Variants in IQCH observed in about 807,000 individuals in gnomAD.
IQCH encodes IQ motif containing H, also known as IQ domain-containing protein H.
In IQCH, 98 loss-of-function variants were observed where a neutral mutation model predicts 117.0. The ratio of observed to expected loss-of-function variants is 0.84; its 90% confidence interval spans 0.71 to 0.99. The LOEUF (loss-of-function observed/expected upper bound fraction) is 0.99, where lower values mean the gene tolerates loss of function less well. IQCH is among the 50% of genes least tolerant of loss of function. IQCH has a pLI of 0.00. For missense variants in IQCH, 1,102 were observed against 1,243.8 expected (o/e 0.89, Z 1.72); for synonymous variants, 412 against 448.2 (o/e 0.92, Z 1.02).
In IQCH at chr15:67,370,897, C is replaced by T. The variant is rs1007096037; in HGVS notation, c.754-1214C>T. On this transcript the variant is annotated intron_variant, in intron 8 of 20. Transcript: ENST00000335894. This position sits in a 1 kb window ranked among gnomAD's most constrained non-coding sequence, Gnocchi z 5.6. Reference sequence around the variant, plus strand: ...GCCCAGGACCGGAGAAAAGAAAACGCGTGAATAATCTGATATAGTAATACT... The same window carrying T: ...GCCCAGGACCGGAGAAAAGAAAACGTGTGAATAATCTGATATAGTAATACT... 6.0e-5 allele frequency among the ~76,000 whole-genome samples: 9 copies of T among 150,194 alleles called. No individual in the cohort carries two copies. Among genetic ancestry groups the T allele is most frequent in the Non-Finnish European group, 8.9e-5 (6 of 67,678 alleles).
chr15:67,337,468 T>C (rs1968947407), intron 5 of IQCH, among the ~76,000 whole-genome samples: 1 of 152,206 alleles, frequency 6.6e-6, no homozygotes, highest in African/African-American at 2.4e-5. Flanking sequence ...AATACCCTAT[T>C]ATAAGGAAAT....
Position 67,473,485 on chromosome 15 carries a change from CCT to C in IQCH, c.2677-2210_2677-2209del, listed in dbSNP as rs1434618300. On this transcript the variant is annotated intron_variant, in intron 17 of 20. Coordinates refer to ENST00000335894, the MANE Select transcript of IQCH (RefSeq NM_001031715.3). The surrounding 1 kb of genome is among the most constrained non-coding windows in gnomAD (Gnocchi z 4.9). ...TTCTCTAAGGATGGTGTGACTGTCC[CCT>C]GTGCCATGTAATAATCACCTGCTTT... Among the ~76,000 whole-genome samples the C allele has an allele frequency of 6.6e-6, 1 of 152,216 alleles. No individual in the cohort carries two copies. Among genetic ancestry groups the C allele is most frequent in the Non-Finnish European group, 1.5e-5 (1 of 68,044 alleles).
At chr15:67,451,793 C>A (rs1036348616) in intron 16 of IQCH, among the ~76,000 whole-genome samples, 1 of 152,244 alleles carries the variant, frequency 6.6e-6, no homozygotes, top group African/African-American at 2.4e-5. Context: ...AACTTTCTGT[C>A]TCGTCGATCT....
rs1401951860 is a variant in IQCH, at chr15:67,436,613, G to C, written c.2505+15036G>C. Among the ~76,000 whole-genome samples, 3 of 152,174 alleles carry C rather than the reference G, an allele frequency of 2.0e-5. No homozygotes were observed. The highest frequency in any genetic ancestry group is 4.4e-5 in the Non-Finnish European group (3 of 68,026). Reference sequence around the variant, plus strand: ...ACAAATCCGGTGTGCAGACTCCATAGGCAGGGGAAGAACCAAGCCCTTTTC... The same window carrying C: ...ACAAATCCGGTGTGCAGACTCCATACGCAGGGGAAGAACCAAGCCCTTTTC... On this transcript the variant is annotated intron_variant, in intron 16 of 20. Transcript: ENST00000335894. This position sits in a 1 kb window ranked among gnomAD's most constrained non-coding sequence, Gnocchi z 5.1.
At chr15:67,418,885 G>GT (rs74266565) in intron 15 of IQCH, among the ~76,000 whole-genome samples, 1,989 of 143,720 alleles carry the variant, frequency 0.014, 28 homozygotes, top group African/African-American at 0.041. Flanking sequence ...GCCTAATAAG[G>GT]TTTTTTTTTT....
At chr15:67,499,536 G>T (rs1217468588) in intron 20 of IQCH, among the ~76,000 whole-genome samples, 1 of 151,878 alleles carries the variant, frequency 6.6e-6, no homozygotes, top group Non-Finnish European at 1.5e-5. Context: ...GATATGTAAA[G>T]CTTAGCAGTT....
At chr15:67,410,092 G>A (rs2081409326) in intron 14 of IQCH, among the ~76,000 whole-genome samples, 1 of 152,216 alleles carries the variant, frequency 6.6e-6, no homozygotes, top group Non-Finnish European at 1.5e-5. Flanking sequence ...TGCAGAATGA[G>A]AGTTACCAGT....
chr15:67,284,909 A>G (rs1369652127), intron 4 of IQCH, among the ~76,000 whole-genome samples: 1 of 152,346 alleles, frequency 6.6e-6, no homozygotes, highest in Non-Finnish European at 1.5e-5. Context: ...ATAGTGCTAC[A>G]GTGAACATAT....
chr15:67,311,634 A>G (rs1967600053), intron 4 of IQCH, among the ~76,000 whole-genome samples: 1 of 150,202 alleles, frequency 6.7e-6, no homozygotes, highest in African/African-American at 2.4e-5. Context: ...ACAATTATAT[A>G]CATATAGGTA....
At chr15:67,488,517 A>G (rs1404222272) in intron 18 of IQCH, among the ~76,000 whole-genome samples, 2 of 152,248 alleles carry the variant, frequency 1.3e-5, no homozygotes, top group Non-Finnish European at 2.9e-5. Context: ...CTTGTCTATC[A>G]GTTACCTATA....
chr15:67,459,795 A>G lies in IQCH; in HGVS notation c.2506-5332A>G, dbSNP rs975117381. ...CCTCTGTAGCACTTCTGCCCTCTCCACCCCACTGGCCCTGCTCCTTTGCAG... is the reference window on the plus strand; with the variant it reads ...CCTCTGTAGCACTTCTGCCCTCTCCGCCCCACTGGCCCTGCTCCTTTGCAG... On this transcript the variant is annotated intron_variant, in intron 16 of 20. Coordinates refer to ENST00000335894, the MANE Select transcript of IQCH (RefSeq NM_001031715.3). This position sits in a 1 kb window ranked among gnomAD's most constrained non-coding sequence, Gnocchi z 4.2. The G allele has an allele frequency of 2.4e-4, 37 of 152,170 alleles. No individual in the cohort carries two copies. Among genetic ancestry groups the G allele is most frequent in the African/African-American group, 7.2e-4 (30 of 41,470 alleles). The allele number at this position is 152,170 out of a possible 1,614,324, so 9.4% of individuals were successfully genotyped here.
At position 67,430,765 on chromosome 15, in the gene IQCH, A is replaced by G. The variant is rs1180420184; in HGVS notation, c.2505+9188A>G. Among the ~76,000 whole-genome samples the G allele has an allele frequency of 6.6e-6, 1 of 152,248 alleles. No individual in the cohort carries two copies. The highest frequency in any genetic ancestry group is 2.4e-5 in the African/African-American group (1 of 41,480). ...GAGCATCTATTATGTATAAGCCATA[A>G]TGCTAGGTGCTAGAGAAGCTACAAA... On this transcript the variant is annotated intron_variant, in intron 16 of 20. Transcript: ENST00000335894. This position sits in a 1 kb window ranked among gnomAD's most constrained non-coding sequence, Gnocchi z 5.1.
At position 67,453,409 on chromosome 15, in the gene IQCH, G is replaced by T. The variant is rs745386057; in HGVS notation, c.2506-11718G>T. ...GACGTACAGATGGGTTTTTGGTGTAGATGTCCTTTCTGTTTGTTAGTTTTC... is the reference window on the plus strand; with the variant it reads ...GACGTACAGATGGGTTTTTGGTGTATATGTCCTTTCTGTTTGTTAGTTTTC... On this transcript the variant is annotated intron_variant, in intron 16 of 20. Coordinates refer to ENST00000335894, the MANE Select transcript of IQCH (RefSeq NM_001031715.3). The surrounding 1 kb of genome is among the most constrained non-coding windows in gnomAD (Gnocchi z 5.8). 1.3e-5 allele frequency among the ~76,000 whole-genome samples: 2 copies of T among 152,116 alleles called. No individual in the cohort carries two copies. Among genetic ancestry groups the T allele is most frequent in the African/African-American group, 2.4e-5 (1 of 41,440 alleles).
At chr15:67,275,329 G>A (rs1226346181) in intron 3 of IQCH, among the ~76,000 whole-genome samples, 1 of 152,110 alleles carries the variant, frequency 6.6e-6, no homozygotes, top group Non-Finnish European at 1.5e-5. Context: ...TGTGGAGAGA[G>A]GAGTCACGGA....
At chr15:67,272,637 G>C (rs1325116598) in intron 3 of IQCH, among the ~76,000 whole-genome samples, 1 of 152,146 alleles carries the variant, frequency 6.6e-6, no homozygotes, top group Non-Finnish European at 1.5e-5. Context: ...ACTTACACTT[G>C]TTCTATCTAC....
chr15:67,414,663 A>AAT (rs1172021312), intron 14 of IQCH, among the ~76,000 whole-genome samples: 19 of 146,326 alleles, frequency 1.3e-4, no homozygotes, highest in East Asian at 1.2e-3. Flanking sequence ...CCAAAAAAAA[A>AAT]ATATATATAT....
chr15:67,440,261 G>A (rs1373498475), intron 16 of IQCH, among the ~76,000 whole-genome samples: 2 of 152,198 alleles, frequency 1.3e-5, no homozygotes, highest in Non-Finnish European at 2.9e-5. Context: ...AAGACCAGAC[G>A]TATTCACAGC....
In IQCH at chr15:67,453,056, G is replaced by A. The variant is rs1385461928; in HGVS notation, c.2506-12071G>A. On this transcript the variant is annotated intron_variant, in intron 16 of 20. Transcript: ENST00000335894. The surrounding 1 kb of genome is among the most constrained non-coding windows in gnomAD (Gnocchi z 5.8). Reference sequence around the variant, plus strand: ...TCTGCATTCGTCACGTAGCTCTCGTGCCTTGGTTTTCAGCTCCATCAGGTC... The same window carrying A: ...TCTGCATTCGTCACGTAGCTCTCGTACCTTGGTTTTCAGCTCCATCAGGTC... 6.6e-6 allele frequency among the ~76,000 whole-genome samples: 1 copy of A among 152,162 alleles called. No individual in the cohort carries two copies. The highest frequency in any genetic ancestry group is 1.5e-5 in the Non-Finnish European group (1 of 68,036).
intron 8 of IQCH, among the ~76,000 whole-genome samples, chr15:67,368,863 G>T: frequency 6.6e-6 from 1 of 152,162 alleles, no homozygotes; most frequent in South Asian, 2.1e-4. Context: ...TTTCTTTGTG[G>T]TAGTTATTTC....
Sources: gnomAD v4.1 joint callset for allele counts (sites outside exome capture counted in the v4.1 genomes callset) on GRCh38, gnomAD v4.1.1 for gene constraint, Gnocchi (gnomAD v3.1) non-coding constraint, MANE v1.5 for transcripts, NCBI Gene and HGNC (gene_info 2026-07-23, HGNC 2026-07-21) for gene names.